Variants in SLCO2B1 observed in about 807,000 individuals in gnomAD.
SLCO2B1 encodes the protein solute carrier organic anion transporter family member 2B1.
In SLCO2B1, 41 loss-of-function variants were observed where a neutral mutation model predicts 67.3. That is an observed-to-expected ratio of 0.61 (90% CI 0.47 to 0.79). SLCO2B1 has a LOEUF of 0.79. SLCO2B1 is among the 30% of genes least tolerant of loss of function. SLCO2B1 has a pLI of 0.00. For missense variants in SLCO2B1, 837 were observed against 920.1 expected, an observed-to-expected ratio of 0.91 and a Z score of 1.17; for synonymous variants, 379 against 381.4, an observed-to-expected ratio of 0.99 and a Z score of 0.07.
At chr11:75,201,859 T>G (rs377630891) in intron 11 of SLCO2B1, 5 of 152,180 alleles carry the variant, frequency 3.3e-5, no homozygotes, top group African/African-American at 1.2e-4. Flanking sequence ...ATTAAATCAC[T>G]GGATATTGGC....
intron 1 of SLCO2B1, among the ~76,000 whole-genome samples, chr11:75,161,318 C>T (rs972197788): frequency 3.3e-5 from 5 of 152,032 alleles, no homozygotes; most frequent in Admixed American, 1.3e-4. Context: ...CAGATGGGTA[C>T]GGGACTTCTT....
At chr11:75,199,361 A>G (rs922006233) in intron 10 of SLCO2B1, among the ~76,000 whole-genome samples, 1 of 151,070 alleles carries the variant, frequency 6.6e-6, no homozygotes, top group East Asian at 2.0e-4. Flanking sequence ...TCAAATCTAA[A>G]CCCATTTATC....
intron 9 of SLCO2B1, among the ~76,000 whole-genome samples, chr11:75,194,949 C>G (rs929136466): frequency 3.3e-5 from 5 of 152,150 alleles, no homozygotes; most frequent in South Asian, 2.1e-4. Flanking sequence ...CTGAGCTAGG[C>G]AAGAAGAACT....
intron 7 of SLCO2B1, among the ~76,000 whole-genome samples, chr11:75,184,735 A>T (rs973966345): frequency 6.6e-6 from 1 of 152,178 alleles, no homozygotes; most frequent in Non-Finnish European, 1.5e-5. Flanking sequence ...CTCAGAGGGT[A>T]CGTGGCTCCT....
At chr11:75,200,993 G>A (rs1160176636) in intron 11 of SLCO2B1, 1 of 150,308 alleles carries the variant, frequency 6.7e-6, no homozygotes. Context: ...GCTGGGATAA[G>A]AGGACTGAGT....
At chr11:75,162,927 T>C (rs1949840178) in intron 2 of SLCO2B1, 142 bp downstream of exon 2, 2 of 1,038,538 alleles carry the variant, frequency 1.9e-6, no homozygotes, top group South Asian at 3.3e-5. Context: ...ATCAAAGGGA[T>C]GATCTGCGAA....
At chr11:75,162,287 G>A (rs971400492) in intron 1 of SLCO2B1, among the ~76,000 whole-genome samples, 1 of 152,190 alleles carries the variant, frequency 6.6e-6, no homozygotes, top group African/African-American at 2.4e-5. Flanking sequence ...ACCCAAGGCA[G>A]GCTGAGAGTC....
intron 1 of SLCO2B1, among the ~76,000 whole-genome samples, chr11:75,154,073 T>C (rs1178382195): frequency 6.6e-6 from 1 of 151,134 alleles, no homozygotes; most frequent in Non-Finnish European, 1.5e-5. Flanking sequence ...CTACAGGCAC[T>C]CACCACCACG....
intron 4 of SLCO2B1, among the ~76,000 whole-genome samples, chr11:75,166,450 G>A (rs1374139946): frequency 1.3e-5 from 2 of 152,158 alleles, no homozygotes; most frequent in African/African-American, 4.8e-5. Flanking sequence ...GTGAAGCCAT[G>A]TTCAGCCCAG....
intron 10 of SLCO2B1, among the ~76,000 whole-genome samples, 176 bp downstream of exon 10, chr11:75,196,855 A>C (rs3781725): frequency 0.13 from 19,940 of 152,200 alleles, 2,802 homozygotes; most frequent in African/African-American, 0.34. Context: ...ACTGGCCAGG[A>C]GCAGTGGCTT....
At position 75,180,825 on chromosome 11, in the gene SLCO2B1, G is replaced by C. The variant is rs571342787; in HGVS notation, c.973-7311G>C. Among the ~76,000 whole-genome samples the C allele has an allele frequency of 9.2e-5, 14 of 152,312 alleles. No homozygotes were observed. The South Asian group carries it at 1.2e-3, about 14-fold the overall frequency. The stretch of plus-strand genomic sequence containing the variant: ...TAGTTATTACCCCCATCTTATACCA[G>C]AGGGACTTGGGTAACAGAGATTAAG... On this transcript the variant is annotated intron_variant, in intron 7 of 13. Coordinates refer to ENST00000289575, the MANE Select transcript of SLCO2B1 (RefSeq NM_007256.5).
At chr11:75,182,220 T>C (rs1383309539) in intron 7 of SLCO2B1, among the ~76,000 whole-genome samples, 1 of 152,134 alleles carries the variant, frequency 6.6e-6, no homozygotes, top group Non-Finnish European at 1.5e-5. Context: ...CCCCTGAAGG[T>C]CTGTCACTCC....
Position 75,165,934 on chromosome 11 carries a change from G to A in SLCO2B1, c.433G>A (p.Asp145Asn), listed in dbSNP as rs145010543. Residue 145 changes from aspartate to asparagine, a missense_variant, in exon 4 of 14, where the codon GAC becomes AAC. Asp to Asn is a conservative substitution (Grantham distance 23). Coordinates refer to ENST00000289575, the MANE Select transcript of SLCO2B1 (RefSeq NM_007256.5). Reference protein sequence around the residue: ...PHFISEPYRYDNTSPEDMPQD... With the variant: ...PHFISEPYRYNNTSPEDMPQD... ...CTTCATCTCGGAGCCATACCGCTAC[G>A]ACAACACCAGCCCTGGTAAGAGCAG... The A allele has an allele frequency of 3.7e-6, 6 of 1,613,846 alleles. No individual in the cohort carries two copies. In the South Asian group the frequency reaches 4.4e-5, roughly 12 times the overall value.
At chr11:75,188,275 C>A (rs1347383333) in intron 8 of SLCO2B1, 37 bp downstream of exon 8, 1 of 1,366,358 alleles carries the variant, frequency 7.3e-7, no homozygotes, top group Admixed American at 1.7e-5. Flanking sequence ...GGAGCCAGGG[C>A]CAGAGGGGTC....
chr11:75,160,963 A>G (rs1949813171), intron 1 of SLCO2B1, among the ~76,000 whole-genome samples: 1 of 152,228 alleles, frequency 6.6e-6, no homozygotes, highest in South Asian at 2.1e-4. Flanking sequence ...AAATTGGGAC[A>G]TTGCTGGAGG....
rs777413090 is a variant in SLCO2B1, at chr11:75,169,405, C to T, written c.681C>T (p.Leu227=). The change falls in exon 5 of 14, where the codon CTC becomes CTT. Residue 227 remains leucine (L), a splice_region_variant and synonymous_variant. Coordinates refer to ENST00000289575, the MANE Select transcript of SLCO2B1 (RefSeq NM_007256.5). ...ACAACAGCAACTCGCCCCTCTACCTCGGTGAGGACCAGTGCCATCCCTTGG... is the reference window on the plus strand; with the variant it reads ...ACAACAGCAACTCGCCCCTCTACCTTGGTGAGGACCAGTGCCATCCCTTGG... ...FAHNSNSPLY[L]GILFAVTMMG... The T allele has an allele frequency of 6.9e-6, 11 of 1,585,336 alleles. No homozygotes were observed. Among genetic ancestry groups the T allele is most frequent in the African/African-American group, 4.0e-5 (3 of 74,668 alleles).
intron 8 of SLCO2B1, among the ~76,000 whole-genome samples, chr11:75,189,949 G>T (rs1481320298): frequency 7.1e-6 from 1 of 141,650 alleles, no homozygotes; most frequent in East Asian, 2.1e-4. Flanking sequence ...GTGACTGAGA[G>T]AAACCCTGTC....
intron 8 of SLCO2B1, among the ~76,000 whole-genome samples, chr11:75,190,398 A>G (rs1944999900): frequency 1.3e-5 from 2 of 152,176 alleles, no homozygotes; most frequent in African/African-American, 4.8e-5. Flanking sequence ...AGGCCGAGGG[A>G]GGAGGAACCA....
intron 9 of SLCO2B1, among the ~76,000 whole-genome samples, chr11:75,194,561 C>T (rs546627335): frequency 1.3e-5 from 2 of 151,932 alleles, no homozygotes; most frequent in South Asian, 4.2e-4. Context: ...CCTCCCTCCT[C>T]CCCCTTTCAT....
Sources: allele counts gnomAD v4.1 joint callset (sites outside exome capture counted in the v4.1 genomes callset), GRCh38; gene constraint gnomAD v4.1.1; transcripts MANE v1.5; gene names NCBI Gene and HGNC (gene_info 2026-07-23, HGNC 2026-07-21).